KIAA0319: variants seen among roughly 807,000 people sequenced by gnomAD.
The protein encoded by KIAA0319 is KIAA0319.
A neutral mutation model predicts 108.4 loss-of-function variants in KIAA0319; 83 were observed. The ratio of observed to expected loss-of-function variants is 0.77; its 90% CI spans 0.64 to 0.92. The LOEUF (loss-of-function observed/expected upper bound fraction) is 0.92, where lower values mean the gene tolerates loss of function less well. KIAA0319 is among the 40% of genes least tolerant of loss of function. The pLI is 0.00. For missense variants in KIAA0319, 1,195 were observed against 1,322.4 expected, an observed-to-expected ratio of 0.90 and a Z score of 1.49; for synonymous variants, 484 against 510.4, an observed-to-expected ratio of 0.95 and a Z score of 0.70.
At chr6:24,637,460 A>C (rs1285549553) in intron 1 of KIAA0319, among the ~76,000 whole-genome samples, 2 of 152,134 alleles carry the variant, frequency 1.3e-5, no homozygotes, top group African/African-American at 4.8e-5. Flanking sequence ...TTTAGTCTTA[A>C]GTAATCTTTA....
At chr6:24,570,175 G>A in intron 11 of KIAA0319, 140 bp from the exon 12 acceptor site, 1 of 760,094 alleles carries the variant, frequency 1.3e-6, no homozygotes, top group Non-Finnish European at 2.1e-6. Context: ...GAATCCTGGA[G>A]TGAAGCACTG....
At chr6:24,574,115 A>G (rs1463855840) in intron 10 of KIAA0319, among the ~76,000 whole-genome samples, 1 of 151,870 alleles carries the variant, frequency 6.6e-6, no homozygotes, top group Non-Finnish European at 1.5e-5. Context: ...ACTCTGTCTC[A>G]AAAAAGAAAA....
chr6:24,588,802 A>G lies in KIAA0319; in HGVS notation c.802-17T>C, dbSNP rs2127502054. 1 of 1,601,792 alleles carries G rather than the reference A, an allele frequency of 6.2e-7. No homozygotes were observed. The highest frequency in any genetic ancestry group is 2.2e-5 in the East Asian group (1 of 44,794). On this transcript the variant is annotated splice_polypyrimidine_tract_variant and intron_variant, in intron 3 of 20. Transcript: ENST00000378214. ...CATTAGAACCTACGAGATCAATTACAAGGATAAATTGTTATTAAAAAAAAA... is the reference window on the plus strand; with the variant it reads ...CATTAGAACCTACGAGATCAATTACGAGGATAAATTGTTATTAAAAAAAAA...
At chr6:24,562,269 C>T (rs1037181365) in intron 16 of KIAA0319, among the ~76,000 whole-genome samples, 2 of 152,162 alleles carry the variant, frequency 1.3e-5, no homozygotes, top group Non-Finnish European at 2.9e-5. Flanking sequence ...CAAGAAACAA[C>T]TTTTGGTTTT....
chr6:24,605,682 T>C (rs959397013), intron 1 of KIAA0319, among the ~76,000 whole-genome samples: 11 of 152,172 alleles, frequency 7.2e-5, no homozygotes, highest in African/African-American at 2.4e-4. Context: ...CATGGATCAA[T>C]TGTATACATG....
chr6:24,564,182 T>A lies in KIAA0319; in HGVS notation c.2431+20A>T, dbSNP rs998440197. On this transcript the variant is annotated intron_variant, in intron 15 of 20. Transcript: ENST00000378214. ...ACCAGCCAGAGCCTGCATGGCCAGC[T>A]CCAGAGCCCAGGAACTCACCTGGCT... 22 of 1,613,748 alleles carry A rather than the reference T, an allele frequency of 1.4e-5. No individual in the cohort carries two copies. The highest frequency in any genetic ancestry group is 1.8e-5 in the Non-Finnish European group (21 of 1,179,960).
chr6:24,596,950 TCCATCCATCCATCCATCCATCCACCCTC>T (rs1353687643), intron 2 of KIAA0319, among the ~76,000 whole-genome samples: 2 of 150,876 alleles, frequency 1.3e-5, no homozygotes, highest in Admixed American at 6.6e-5. Context: ...TACTTTTCCA[TCCATCCATCCATCCATCCATCCACCCTC>T]CCATCCATCC....
chr6:24,585,595 A>G (rs1767348509), intron 4 of KIAA0319, among the ~76,000 whole-genome samples: 1 of 152,170 alleles, frequency 6.6e-6, no homozygotes, highest in South Asian at 2.1e-4. Context: ...GACAAGGCAT[A>G]AGTGACTATT....
At chr6:24,630,641 CTT>C (rs1775427849) in intron 1 of KIAA0319, among the ~76,000 whole-genome samples, 1 of 146,916 alleles carries the variant, frequency 6.8e-6, no homozygotes, top group South Asian at 2.1e-4. Flanking sequence ...TGCTTTTCTT[CTT>C]TTAGATTCTC....
At chr6:24,587,610 AC>A (rs1179925834) in intron 4 of KIAA0319, among the ~76,000 whole-genome samples, 1 of 145,234 alleles carries the variant, frequency 6.9e-6, no homozygotes. Context: ...TTTTTTCAAG[AC>A]AGTCTTGCTC....
At chr6:24,572,994 A>C (rs371838548) in intron 10 of KIAA0319, among the ~76,000 whole-genome samples, 23 of 152,102 alleles carry the variant, frequency 1.5e-4, no homozygotes, top group African/African-American at 5.1e-4. Flanking sequence ...GATGGCGGGC[A>C]CCTGTAATCC....
rs968594647 is a variant in KIAA0319 at position 24,599,282 on chromosome 6, G to C, written c.55+1767C>G. 1.6e-5 allele frequency: 8 copies of C among 490,982 alleles called. No individual in the cohort carries two copies. The highest frequency in any genetic ancestry group is 2.6e-5 in the Non-Finnish European group (7 of 265,770). The allele number at this position is 490,982 out of a possible 1,614,324, so 30.4% of individuals were successfully genotyped here. A position where few individuals can be genotyped will look rare whatever the true frequency, so the allele number is the denominator to read the frequency against. On this transcript the variant is annotated intron_variant, in intron 2 of 20. Transcript: ENST00000378214. The surrounding 1 kb of genome is among the most constrained non-coding windows in gnomAD (Gnocchi z 4.1). ...ATACAAAGATGGAGATCTCTGAGAT[G>C]AATCAGAACATCAGCCGGCTCCAGA...
intron 4 of KIAA0319, among the ~76,000 whole-genome samples, chr6:24,586,147 C>T (rs187673993): frequency 1.3e-5 from 2 of 152,180 alleles, no homozygotes; most frequent in Non-Finnish European, 2.9e-5. Context: ...TCATCAGGAC[C>T]TCCTGAGGCT....
chr6:24,571,196 G>GA (rs376462056), intron 11 of KIAA0319, among the ~76,000 whole-genome samples: 4,612 of 140,244 alleles, frequency 0.033, 212 homozygotes, highest in African/African-American at 0.11. Context: ...TGTCTCGAGG[G>GA]AAAAAAAAAA....
chr6:24,581,198 TA>T (rs1766485722), intron 6 of KIAA0319, among the ~76,000 whole-genome samples, 185 bp from the exon 7 acceptor site: 1 of 152,200 alleles, frequency 6.6e-6, no homozygotes, highest in South Asian at 2.1e-4. Context: ...TCTGGAGCAC[TA>T]AAGATCACCT....
At chr6:24,623,911 AATG>A (rs1774317956) in intron 1 of KIAA0319, among the ~76,000 whole-genome samples, 1 of 152,126 alleles carries the variant, frequency 6.6e-6, no homozygotes, top group South Asian at 2.1e-4. Context: ...AAATGTGCAC[AATG>A]ATTATGTATC....
At chr6:24,571,117 G>A (rs1045412553) in intron 11 of KIAA0319, among the ~76,000 whole-genome samples, 22 of 151,958 alleles carry the variant, frequency 1.4e-4, no homozygotes, top group African/African-American at 3.4e-4. Flanking sequence ...ATTTGAACCC[G>A]GGAGGCAGAG....
In KIAA0319 at chr6:24,563,341, T is replaced by C; in HGVS notation, c.2591+18A>G. The C allele has an allele frequency of 6.2e-7, 1 of 1,604,236 alleles. No individual in the cohort carries two copies. Among genetic ancestry groups the C allele is most frequent in the Non-Finnish European group, 8.5e-7 (1 of 1,173,770 alleles). On this transcript the variant is annotated intron_variant, in intron 16 of 20. Coordinates refer to ENST00000378214, the MANE Select transcript of KIAA0319 (RefSeq NM_014809.4). Reference sequence around the variant, plus strand: ...ATTTTGTACGGCCAAGGCCCCGCCTTGAGTGTGCAGCTCCTACCTGAGATC... The same window carrying C: ...ATTTTGTACGGCCAAGGCCCCGCCTCGAGTGTGCAGCTCCTACCTGAGATC...
rs1168128090 is a variant in KIAA0319, at chr6:24,601,334, AC to A, written c.-105-127del. 3 of 1,338,366 alleles carry A rather than the reference AC, an allele frequency of 2.2e-6. No individual in the cohort carries two copies. The African/African-American group carries it at 4.4e-5, about 20-fold the overall frequency. The allele number at this position is 1,338,366 out of a possible 1,614,324, so 82.9% of individuals were successfully genotyped here. Reference sequence around the variant, plus strand: ...GTCCTGGTCACATCACAGAGCCACAACCCAGGCAAACATCCACCTAGAGCGT... The same window carrying A: ...GTCCTGGTCACATCACAGAGCCACAACCAGGCAAACATCCACCTAGAGCGT... On this transcript the variant is annotated intron_variant, in intron 1 of 20. Coordinates refer to ENST00000378214, the MANE Select transcript of KIAA0319 (RefSeq NM_014809.4).
Sources: allele counts gnomAD v4.1 joint callset (sites outside exome capture counted in the v4.1 genomes callset), GRCh38; gene constraint gnomAD v4.1.1; non-coding constraint Gnocchi (gnomAD v3.1); transcripts MANE v1.5; gene names NCBI Gene and HGNC (gene_info 2026-07-23, HGNC 2026-07-21).